TMPRSS2: variants seen among roughly 807,000 people sequenced by gnomAD.
TMPRSS2 encodes transmembrane protease serine 2.
Under a neutral mutation model 67.4 loss-of-function variants are expected in TMPRSS2, and 59 were observed. The observed-to-expected ratio is 0.88, with a 90% CI of 0.71 to 1.09. The LOEUF (loss-of-function observed/expected upper bound fraction) is 1.09, where lower values mean the gene tolerates loss of function less well. Among genes scored for constraint, TMPRSS2 ranks in the 50% least tolerant of loss-of-function variants. The pLI, the probability that TMPRSS2 is intolerant of heterozygous loss-of-function variation, is 0.00. For missense variants in TMPRSS2, 668 were observed against 642.7 expected, an observed-to-expected ratio of 1.04 and a Z score of -0.43; for synonymous variants, 257 against 257.0, an observed-to-expected ratio of 1.00 and a Z score of 0.00.
At chr21:41,493,648 C>A (rs1274049081) in intron 3 of TMPRSS2, among the ~76,000 whole-genome samples, 2 of 152,208 alleles carry the variant, frequency 1.3e-5, no homozygotes, top group Non-Finnish European at 1.5e-5. Flanking sequence ...CTGGACAATT[C>A]TTAGCACTGA....
At chr21:41,472,160 C>T (rs2091139494) in intron 9 of TMPRSS2, among the ~76,000 whole-genome samples, 179 bp from the exon 10 acceptor site, 1 of 147,458 alleles carries the variant, frequency 6.8e-6, no homozygotes, top group Non-Finnish European at 1.5e-5. Context: ...ACTCCCCCAA[C>T]CCCGACTCCC....
At chr21:41,493,471 T>C (rs1180926833) in intron 3 of TMPRSS2, among the ~76,000 whole-genome samples, 4 of 152,308 alleles carry the variant, frequency 2.6e-5, no homozygotes, top group African/African-American at 9.6e-5. Flanking sequence ...ATCACGTTGA[T>C]GACTGATTAT....
intron 4 of TMPRSS2, among the ~76,000 whole-genome samples, chr21:41,489,300 A>G (rs527898967): frequency 6.6e-6 from 1 of 152,332 alleles, no homozygotes; most frequent in Non-Finnish European, 1.5e-5. Context: ...CAAGCACCCC[A>G]AAGCACTGGG....
At chr21:41,483,782 T>A (rs1267790137) in intron 5 of TMPRSS2, among the ~76,000 whole-genome samples, 42 of 150,594 alleles carry the variant, frequency 2.8e-4, no homozygotes, top group African/African-American at 8.3e-4. Flanking sequence ...TTTTTTTTTT[T>A]AAATATTAGG....
chr21:41,508,096 C>T lies in TMPRSS2; in HGVS notation c.-72G>A, dbSNP rs1281382357. 1.6e-6 allele frequency: 2 copies of T among 1,221,088 alleles called. No homozygotes were observed. The highest frequency in any genetic ancestry group is 1.0e-6 in the Non-Finnish European group (1 of 955,980). The allele number at this position is 1,221,088 out of a possible 1,614,324, so 75.6% of individuals were successfully genotyped here. A position where few individuals can be genotyped will look rare whatever the true frequency, so the allele number is the denominator to read the frequency against. Reference sequence around the variant, plus strand: ...CGCCGCTCACCTGCCGCGCTCCAGGCGGCGCTCCCCGCCCCTCGCCCTCCG... The same window carrying T: ...CGCCGCTCACCTGCCGCGCTCCAGGTGGCGCTCCCCGCCCCTCGCCCTCCG... On this transcript the variant is annotated 5_prime_UTR_variant, in exon 1 of 14. Coordinates refer to ENST00000332149, the MANE Select transcript of TMPRSS2 (RefSeq NM_005656.4).
At chr21:41,476,652 G>A (rs74423429) in intron 7 of TMPRSS2, 32 bp from the exon 8 acceptor site, 40,251 of 1,599,550 alleles carry the variant, frequency 0.025, 630 homozygotes, top group Non-Finnish European at 0.03. Flanking sequence ...TTCTGGTCAC[G>A]ATAGTGCGGA....
At chr21:41,470,977 A>G (rs1278066687) in intron 10 of TMPRSS2, among the ~76,000 whole-genome samples, 1 of 152,216 alleles carries the variant, frequency 6.6e-6, no homozygotes, top group Non-Finnish European at 1.5e-5. Context: ...TTATAAGAGG[A>G]ATTATTTGCT....
At chr21:41,506,920 C>G (rs893546404) in intron 1 of TMPRSS2, among the ~76,000 whole-genome samples, 4 of 152,176 alleles carry the variant, frequency 2.6e-5, no homozygotes, top group African/African-American at 9.6e-5. Context: ...CAGGTTCGCA[C>G]GGAGGGAAGG....
intron 7 of TMPRSS2, among the ~76,000 whole-genome samples, chr21:41,476,998 A>G (rs547558669): frequency 3.5e-4 from 54 of 152,366 alleles, no homozygotes; most frequent in Non-Finnish European, 6.6e-4. Context: ...CTGGGCTCCT[A>G]TAACTGCTTT....
At chr21:41,495,332 A>C (rs1282246161) in intron 2 of TMPRSS2, among the ~76,000 whole-genome samples, 2 of 151,966 alleles carry the variant, frequency 1.3e-5, no homozygotes, top group Admixed American at 1.3e-4. Flanking sequence ...ACATACAAAA[A>C]TACAGATTTG....
rs2091070712 is a variant in TMPRSS2 at position 41,464,693 on chromosome 21, A to T, written c.*1449T>A. On this transcript the variant is annotated 3_prime_UTR_variant, in exon 14 of 14. Coordinates refer to ENST00000332149, the MANE Select transcript of TMPRSS2 (RefSeq NM_005656.4). ...GGCAATAAAGAAGGAAGACGTTTTC[A>T]CCATTACAACACCTTTTAGGATGTG... 1 of 233,350 alleles carries T rather than the reference A, an allele frequency of 4.3e-6. No individual in the cohort carries two copies. The highest frequency in any genetic ancestry group is 2.2e-5 in the African/African-American group (1 of 45,480). The allele number at this position is 233,350 out of a possible 1,614,324, so 14.5% of individuals were successfully genotyped here. A position where few individuals can be genotyped will look rare whatever the true frequency, so the allele number is the denominator to read the frequency against.
At chr21:41,499,583 A>G (rs1288948927) in intron 1 of TMPRSS2, among the ~76,000 whole-genome samples, 1 of 152,112 alleles carries the variant, frequency 6.6e-6, no homozygotes, top group Non-Finnish European at 1.5e-5. Flanking sequence ...TGGTTTAGCC[A>G]GAATCCCCCT....
chr21:41,507,999 G>C (rs1348294880), intron 1 of TMPRSS2, 82 bp downstream of exon 1: 2 of 1,380,656 alleles, frequency 1.4e-6, no homozygotes, highest in East Asian at 6.2e-5. Flanking sequence ...GCGGGGCAGG[G>C]GGCATCGGCG....
Position 41,489,604 on chromosome 21 carries a change from G to A in TMPRSS2, c.239-11C>T. On this transcript the variant is annotated splice_polypyrimidine_tract_variant and intron_variant, in intron 3 of 13. Transcript: ENST00000332149. ...GTGCTTTCTTAGTCTCTGGAAGAAG[G>A]AGGAGAGTGCAACGTTCAGACCAGA... 1.2e-6 allele frequency: 2 copies of A among 1,608,436 alleles called. No homozygotes were observed. The highest frequency in any genetic ancestry group is 1.1e-5 in the South Asian group (1 of 90,890).
rs2146416957 is a variant in TMPRSS2, at chr21:41,466,260, C to G, written c.1468-107G>C. On this transcript the variant is annotated intron_variant, in intron 13 of 13. Transcript: ENST00000332149. ...ATGAAGCACTTAGAAACCAAATAAG[C>G]AAGCTTAATAGCACAAAGGGATCAT... 1.8e-6 allele frequency: 2 copies of G among 1,090,162 alleles called. 1 individual carries two copies. The highest frequency in any genetic ancestry group is 2.8e-6 in the Non-Finnish European group (2 of 724,090). The allele number at this position is 1,090,162 out of a possible 1,614,324, so 67.5% of individuals were successfully genotyped here.
At chr21:41,485,515 G>A (rs2146461389) in intron 5 of TMPRSS2, among the ~76,000 whole-genome samples, 1 of 152,028 alleles carries the variant, frequency 6.6e-6, no homozygotes, top group East Asian at 1.9e-4. Context: ...CAGGTGTGGT[G>A]GCGAGCACCT....
intron 6 of TMPRSS2, 144 bp from the exon 7 acceptor site, chr21:41,479,426 C>A: frequency 1.6e-6 from 1 of 635,804 alleles, no homozygotes; most frequent in Non-Finnish European, 2.7e-6. Context: ...ACGTTCTAAC[C>A]AAGTGCTAGA....
chr21:41,465,753 C>T lies in TMPRSS2; in HGVS notation c.*389G>A. 3.6e-6 allele frequency: 1 copy of T among 278,946 alleles called. No individual in the cohort carries two copies. Among genetic ancestry groups the T allele is most frequent in the Non-Finnish European group, 6.7e-6 (1 of 148,660 alleles). 17.3% of individuals were successfully genotyped at this position (278,946 alleles called of 1,614,324 possible). On this transcript the variant is annotated 3_prime_UTR_variant, in exon 14 of 14. Transcript: ENST00000332149. ...GCTGCAGGTGCCACCTGGCTGTCTC[C>T]CTTTCCATGTCTCTCCTTTTTCATC... is the stretch of plus-strand genomic sequence containing the variant.
Position 41,478,255 on chromosome 21 carries a change from A to G in TMPRSS2, c.683+917T>C, listed in dbSNP as rs953367281. On this transcript the variant is annotated intron_variant, in intron 7 of 13. Coordinates refer to ENST00000332149, the MANE Select transcript of TMPRSS2 (RefSeq NM_005656.4). The surrounding 1 kb of genome is among the most constrained non-coding windows in gnomAD (Gnocchi z 4.0). ...AGTCAGGCCCCCAGACCCCTCCACCAGCGGCCTCCAGGAATGCAAACCTGC... is the reference window on the plus strand; with the variant it reads ...AGTCAGGCCCCCAGACCCCTCCACCGGCGGCCTCCAGGAATGCAAACCTGC... Among the ~76,000 whole-genome samples the G allele has an allele frequency of 3.9e-5, 6 of 152,162 alleles. No homozygotes were observed. The highest frequency in any genetic ancestry group is 1.4e-4 in the African/African-American group (6 of 41,446).
Sources: allele counts gnomAD v4.1 joint callset (sites outside exome capture counted in the v4.1 genomes callset), GRCh38; gene constraint gnomAD v4.1.1; non-coding constraint Gnocchi (gnomAD v3.1); transcripts MANE v1.5; gene names NCBI Gene and HGNC (gene_info 2026-07-23, HGNC 2026-07-21).